Variants in CD53 observed in about 807,000 individuals in gnomAD.
The protein encoded by CD53 is CD53 molecule.
CD53 carries 20 observed loss-of-function variants against 27.3 expected under a neutral mutation model. The observed-to-expected ratio is 0.73, with a 90% CI of 0.52 to 1.07. The LOEUF is 1.07. Ranked by LOEUF, CD53 falls within the 50% of genes least tolerant of loss-of-function variation. The pLI, the probability that CD53 is intolerant of heterozygous loss-of-function variation, is 0.00. For missense variants in CD53, 216 were observed against 264.0 expected (o/e 0.82, Z 1.26); for synonymous variants, 106 against 105.3 (o/e 1.01, Z -0.04).
intron 5 of CD53, among the ~76,000 whole-genome samples, chr1:110,895,840 CT>C (rs1657038564): frequency 2.0e-5 from 3 of 152,116 alleles, no homozygotes; most frequent in Non-Finnish European, 2.9e-5. Context: ...ATTCCCCACA[CT>C]TTTTTCGTTA....
At chr1:110,889,392 T>TA (rs916898879) in intron 1 of CD53, among the ~76,000 whole-genome samples, 1 of 150,028 alleles carries the variant, frequency 6.7e-6, no homozygotes, top group South Asian at 2.1e-4. Context: ...CCGTCTCTAC[T>TA]AAAAAAAAAT....
At chr1:110,896,566 G>A in intron 5 of CD53, 87 bp from the exon 6 acceptor site, 3 of 1,259,646 alleles carry the variant, frequency 2.4e-6, no homozygotes, top group Non-Finnish European at 3.4e-6. Flanking sequence ...AGTCAGATCT[G>A]AAGGGCACAC....
chr1:110,877,672 C>T (rs1656179660), intron 1 of CD53, among the ~76,000 whole-genome samples: 1 of 152,168 alleles, frequency 6.6e-6, no homozygotes, highest in Non-Finnish European at 1.5e-5. Flanking sequence ...CAAATCCTCT[C>T]CCCTAACAGC....
intron 4 of CD53, 21 bp downstream of exon 4, chr1:110,894,422 C>G: frequency 6.4e-7 from 1 of 1,564,190 alleles, no homozygotes; most frequent in Non-Finnish European, 8.8e-7. Context: ...AAGACAACAA[C>G]TTATTGTCTT....
At position 110,897,819 on chromosome 1, in the gene CD53, C is replaced by T. The variant is rs531836002; in HGVS notation, c.515C>T (p.Ala172Val). The change falls in exon 7 of 8, where the codon GCG becomes GTG. Residue 172 changes from alanine (A) to valine (V), a missense_variant. Coordinates refer to ENST00000271324, the MANE Select transcript of CD53 (RefSeq NM_000560.4). ...PSDRKVEGCY[A>V]KARLWFHSNF... ...TGAAATGTCTTCTAGGGTTGCTATG[C>T]GAAAGCAAGACTGTGGTTTCATTCC... 2.4e-5 allele frequency: 38 copies of T among 1,605,370 alleles called. No homozygotes were observed. Among genetic ancestry groups the T allele is most frequent in the South Asian group, 9.9e-5 (9 of 90,754 alleles).
intron 1 of CD53, among the ~76,000 whole-genome samples, chr1:110,874,415 A>G (rs1265432505): frequency 2.0e-5 from 3 of 152,220 alleles, no homozygotes; most frequent in African/African-American, 7.2e-5. Flanking sequence ...AGGTAGAAGG[A>G]GAATATTTGT....
intron 7 of CD53, 66 bp from the exon 8 acceptor site, chr1:110,899,058 C>A: frequency 1.6e-6 from 2 of 1,227,594 alleles, no homozygotes; most frequent in Non-Finnish European, 2.4e-6. Context: ...AGAGGCCAAT[C>A]CCAGGCATTG....
chr1:110,873,597 T>C (rs1398120528), intron 1 of CD53, among the ~76,000 whole-genome samples: 1 of 152,164 alleles, frequency 6.6e-6, no homozygotes, highest in Non-Finnish European at 1.5e-5. Context: ...TGCTCTGGTC[T>C]TCAGAAAATT....
At chr1:110,871,848 C>CACACACACACCA (rs1553201970), upstream of CD53, among the ~76,000 whole-genome samples, 1 of 144,552 alleles carries the variant, frequency 6.9e-6, no homozygotes, top group African/African-American at 2.6e-5. Context: ...CACACACACA[C>CACACACACACCA]CACACAGTTC....
At chr1:110,875,370 C>T (rs1482842138) in intron 1 of CD53, among the ~76,000 whole-genome samples, 1 of 152,154 alleles carries the variant, frequency 6.6e-6, no homozygotes, top group Admixed American at 6.5e-5. Context: ...ACCATGTTCA[C>T]ACGACAGAAT....
At chr1:110,891,515 A>C (rs562848107) in intron 2 of CD53, 44 bp downstream of exon 2, 1 of 1,469,160 alleles carries the variant, frequency 6.8e-7, no homozygotes, top group South Asian at 1.1e-5. Context: ...ACCTTTACCC[A>C]GCTAAGCTCT....
intron 1 of CD53, among the ~76,000 whole-genome samples, chr1:110,876,674 A>G (rs1038565395): frequency 2.6e-5 from 4 of 152,104 alleles, no homozygotes; most frequent in African/African-American, 9.6e-5. Flanking sequence ...TCTTCTTAAA[A>G]TAACTATTGT....
At chr1:110,884,624 A>G (rs1326729357) in intron 1 of CD53, among the ~76,000 whole-genome samples, 2 of 152,102 alleles carry the variant, frequency 1.3e-5, no homozygotes, top group African/African-American at 4.8e-5. Flanking sequence ...TCTGTCTCAT[A>G]AATTTTGACT....
intron 2 of CD53, 68 bp from the exon 3 acceptor site, chr1:110,892,277 G>A (rs2101060455): frequency 1.9e-6 from 2 of 1,056,258 alleles, no homozygotes; most frequent in Non-Finnish European, 3.0e-6. Flanking sequence ...TCTCAAGGAA[G>A]TGAGAATATG....
chr1:110,893,983 A>G (rs1269658402), intron 3 of CD53, among the ~76,000 whole-genome samples: 9 of 152,274 alleles, frequency 5.9e-5, no homozygotes, highest in Middle Eastern at 3.4e-3. Context: ...CCAGGCCCCA[A>G]ATGATCTAGT....
chr1:110,874,954 A>T (rs1656066995), intron 1 of CD53, among the ~76,000 whole-genome samples: 1 of 152,210 alleles, frequency 6.6e-6, no homozygotes, highest in Non-Finnish European at 1.5e-5. Flanking sequence ...AAAGATTATC[A>T]TCTGAAAGGA....
chr1:110,893,267 T>A (rs559697764), intron 3 of CD53, among the ~76,000 whole-genome samples: 1 of 152,358 alleles, frequency 6.6e-6, no homozygotes, highest in African/African-American at 2.4e-5. Context: ...ATTTGGTTAA[T>A]CTTTTTTCCA....
intron 7 of CD53, among the ~76,000 whole-genome samples, chr1:110,898,179 C>T (rs961331015): frequency 6.6e-6 from 1 of 151,948 alleles, no homozygotes; most frequent in African/African-American, 2.4e-5. Context: ...AGATCAAGAC[C>T]ATCCTGGCTA....
At chr1:110,874,901 T>A (rs952393807) in intron 1 of CD53, among the ~76,000 whole-genome samples, 2 of 152,200 alleles carry the variant, frequency 1.3e-5, no homozygotes. Flanking sequence ...TCCTACCCCA[T>A]GGCCAGATAT....
Sources: gnomAD v4.1 joint callset for allele counts (sites outside exome capture counted in the v4.1 genomes callset) on GRCh38, gnomAD v4.1.1 for gene constraint, MANE v1.5 for transcripts, NCBI Gene and HGNC (gene_info 2026-07-23, HGNC 2026-07-21) for gene names.